The following ZNF385D variants were observed in gnomAD, a reference collection of about 807,000 sequenced individuals.
The protein encoded by ZNF385D is zinc finger protein 659.
Under a neutral mutation model 35.8 loss-of-function variants are expected in ZNF385D, and 15 were observed. That is an observed-to-expected ratio of 0.42 (90% CI 0.28 to 0.64). The LOEUF (loss-of-function observed/expected upper bound fraction) is 0.64, where lower values mean the gene tolerates loss of function less well. ZNF385D is among the 30% of genes least tolerant of loss of function. The pLI is 0.23. For missense variants in ZNF385D, 474 were observed against 494.6 expected, an observed-to-expected ratio of 0.96 and a Z score of 0.39; for synonymous variants, 212 against 186.8, an observed-to-expected ratio of 1.13 and a Z score of -1.10.
intron 3 of ZNF385D, among the ~76,000 whole-genome samples, chr3:21,762,307 T>A (rs1438724626): frequency 1.3e-5 from 2 of 152,224 alleles, no homozygotes; most frequent in African/African-American, 4.8e-5. Context: ...ATAATCAAAC[T>A]TCTACAATTC....
At chr3:22,245,854 T>C (rs945980837) in intron 2 of ZNF385D, among the ~76,000 whole-genome samples, 8 of 152,120 alleles carry the variant, frequency 5.3e-5, no homozygotes, top group Non-Finnish European at 8.8e-5. Context: ...TGATTGGATT[T>C]GACATGAAGA....
intron 2 of ZNF385D, among the ~76,000 whole-genome samples, chr3:21,658,828 T>C (rs531649587): frequency 6.6e-6 from 1 of 152,186 alleles, no homozygotes; most frequent in South Asian, 2.1e-4. Context: ...CATTTAATTA[T>C]AGTTCTTTAT....
At chr3:21,974,605 A>T (rs1703476531) in intron 3 of ZNF385D, among the ~76,000 whole-genome samples, 1 of 152,260 alleles carries the variant, frequency 6.6e-6, no homozygotes, top group Admixed American at 6.5e-5. Context: ...CCTGCACAGT[A>T]AAGGATACAA....
chr3:22,353,583 TC>T (rs1271498526), intron 2 of ZNF385D, among the ~76,000 whole-genome samples: 1 of 152,076 alleles, frequency 6.6e-6, no homozygotes, highest in African/African-American at 2.4e-5. Flanking sequence ...TGTAGCACTA[TC>T]CCCCCTTCCT....
At chr3:21,856,135 A>G (rs1418616220) in intron 3 of ZNF385D, among the ~76,000 whole-genome samples, 1 of 152,058 alleles carries the variant, frequency 6.6e-6, no homozygotes, top group Non-Finnish European at 1.5e-5. Flanking sequence ...TTTTCTTGCT[A>G]TAATCTCCAA....
intron 3 of ZNF385D, among the ~76,000 whole-genome samples, chr3:21,966,676 G>C (rs1035050135): frequency 3.9e-5 from 6 of 152,116 alleles, no homozygotes; most frequent in African/African-American, 1.4e-4. Context: ...CTGCCTCCCG[G>C]GTTCAATCGA....
At chr3:21,674,133 G>C (rs1429477336) in intron 1 of ZNF385D, among the ~76,000 whole-genome samples, 1 of 152,124 alleles carries the variant, frequency 6.6e-6, no homozygotes, top group African/African-American at 2.4e-5. Flanking sequence ...GTTTAGAAAA[G>C]GAAAGAATGG....
At chr3:22,247,491 G>C (rs1699846131) in intron 2 of ZNF385D, among the ~76,000 whole-genome samples, 1 of 151,882 alleles carries the variant, frequency 6.6e-6, no homozygotes, top group African/African-American at 2.4e-5. Flanking sequence ...TTTTGATGAA[G>C]ATATGTTAGA....
intron 1 of ZNF385D, among the ~76,000 whole-genome samples, chr3:21,725,670 T>C (rs933056283): frequency 6.6e-5 from 10 of 152,182 alleles, no homozygotes; most frequent in Admixed American, 6.5e-4. Context: ...TAACAAGTTC[T>C]GAAATTGATG....
chr3:22,083,122 G>C (rs570127102), intron 3 of ZNF385D, among the ~76,000 whole-genome samples: 7 of 152,148 alleles, frequency 4.6e-5, no homozygotes, highest in African/African-American at 1.2e-4. Flanking sequence ...AAGATGGGGA[G>C]AAACCAGAGC....
At chr3:21,675,670 GC>G (rs2066704119) in intron 1 of ZNF385D, among the ~76,000 whole-genome samples, 1 of 152,034 alleles carries the variant, frequency 6.6e-6, no homozygotes, top group Non-Finnish European at 1.5e-5. Flanking sequence ...ATACTAAGAG[GC>G]GATCATTTGT....
At chr3:21,994,308 A>G (rs543030489) in intron 3 of ZNF385D, among the ~76,000 whole-genome samples, 4 of 152,346 alleles carry the variant, frequency 2.6e-5, no homozygotes, top group South Asian at 4.1e-4. Flanking sequence ...AGATTATGCC[A>G]AAGTGTTAAT....
chr3:22,049,794 T>C (rs972385382), intron 3 of ZNF385D, among the ~76,000 whole-genome samples: 8 of 152,214 alleles, frequency 5.3e-5, no homozygotes, highest in African/African-American at 1.9e-4. Flanking sequence ...ATGTGGTATA[T>C]TGCATTTGCT....
chr3:22,065,610 G>T (rs1699903480), intron 3 of ZNF385D, among the ~76,000 whole-genome samples: 2 of 152,138 alleles, frequency 1.3e-5, no homozygotes, highest in Non-Finnish European at 1.5e-5. Context: ...ATTTGTTGAG[G>T]AAAGGACTGA....
chr3:22,210,839 A>C (rs1277848672), intron 2 of ZNF385D, among the ~76,000 whole-genome samples: 2 of 151,914 alleles, frequency 1.3e-5, no homozygotes, highest in African/African-American at 2.4e-5. Flanking sequence ...ATATACTCTA[A>C]GTCAATGCAC....
chr3:21,443,527 A>T (rs965979963), intron 4 of ZNF385D, among the ~76,000 whole-genome samples: 2 of 152,222 alleles, frequency 1.3e-5, no homozygotes, highest in Non-Finnish European at 2.9e-5. Context: ...CTCTAATATA[A>T]GAGTGGAGGG....
chr3:22,303,924 T>C (rs1033311305), intron 2 of ZNF385D, among the ~76,000 whole-genome samples: 3 of 152,046 alleles, frequency 2.0e-5, no homozygotes, highest in African/African-American at 4.8e-5. Flanking sequence ...ATTATAGGCA[T>C]GTGCCACCAC....
chr3:21,940,453 C>A (rs1179537397), intron 3 of ZNF385D, among the ~76,000 whole-genome samples: 1 of 152,152 alleles, frequency 6.6e-6, no homozygotes, highest in Non-Finnish European at 1.5e-5. Flanking sequence ...CTATTTTTTA[C>A]AACATAGCAA....
At chr3:22,261,334 T>C (rs1468609744) in intron 2 of ZNF385D, among the ~76,000 whole-genome samples, 2 of 152,080 alleles carry the variant, frequency 1.3e-5, no homozygotes, top group East Asian at 3.9e-4. Flanking sequence ...AGAAAAATAA[T>C]TTAAGTTATG....
Sources: gnomAD v4.1 joint callset for allele counts (sites outside exome capture counted in the v4.1 genomes callset) on GRCh38, gnomAD v4.1.1 for gene constraint, MANE v1.5 for transcripts, NCBI Gene and HGNC (gene_info 2026-07-23, HGNC 2026-07-21) for gene names.